The following THSD4 variants were observed in gnomAD, a reference collection of about 807,000 sequenced individuals.
The protein encoded by THSD4 is thrombospondin type 1 domain containing 4, also known as thrombospondin type-1 domain-containing protein 4.
THSD4 carries 69 observed loss-of-function variants against 119.0 expected under a neutral mutation model. The ratio of observed to expected loss-of-function variants is 0.58; its 90% CI spans 0.48 to 0.71. The LOEUF is 0.71. Ranked by LOEUF, THSD4 falls within the 30% of genes least tolerant of loss-of-function variation. The pLI, the probability that THSD4 is intolerant of heterozygous loss-of-function variation, is 0.00. For synonymous variants in THSD4, 524 were observed against 540.4 expected, an observed-to-expected ratio of 0.97 and a Z score of 0.42; for missense variants, 1,393 against 1,391.1, an observed-to-expected ratio of 1.00 and a Z score of -0.02.
chr15:71,166,508 T>C (rs934238130), intron 3 of THSD4, among the ~76,000 whole-genome samples: 4 of 152,238 alleles, frequency 2.6e-5, no homozygotes, highest in Non-Finnish European at 4.4e-5. Flanking sequence ...GCAATGACTG[T>C]TCCTGTCTAT....
chr15:71,287,118 G>A (rs16955390), intron 6 of THSD4, among the ~76,000 whole-genome samples: 8,289 of 152,126 alleles, frequency 0.054, 309 homozygotes, highest in South Asian at 0.098. Flanking sequence ...AGTCAAAGTC[G>A]TAGTCACAAA....
At chr15:71,669,221 C>T (rs866546431) in intron 8 of THSD4, among the ~76,000 whole-genome samples, 2 of 152,088 alleles carry the variant, frequency 1.3e-5, no homozygotes, top group Non-Finnish European at 2.9e-5. Flanking sequence ...ATTTTCCTGA[C>T]CACTAATTTT....
chr15:71,566,359 A>G (rs1484320696), intron 7 of THSD4, among the ~76,000 whole-genome samples: 1 of 152,132 alleles, frequency 6.6e-6, no homozygotes, highest in Non-Finnish European at 1.5e-5. Flanking sequence ...TATTTCCTTA[A>G]TTCAGGATCA....
intron 7 of THSD4, among the ~76,000 whole-genome samples, chr15:71,644,568 T>A (rs1399621242): frequency 2.6e-5 from 4 of 152,196 alleles, no homozygotes; most frequent in Non-Finnish European, 2.9e-5. Flanking sequence ...AGGTCAATAC[T>A]CTATGCCACC....
At chr15:71,717,633 A>C (rs2141105300) in intron 8 of THSD4, among the ~76,000 whole-genome samples, 1 of 151,868 alleles carries the variant, frequency 6.6e-6, no homozygotes, top group Admixed American at 6.6e-5. Flanking sequence ...GCAATTGATT[A>C]AACATCAAAG....
intron 3 of THSD4, among the ~76,000 whole-genome samples, chr15:71,172,388 T>G (rs1046455778): frequency 4.0e-5 from 6 of 151,882 alleles, no homozygotes; most frequent in African/African-American, 1.5e-4. Flanking sequence ...TTCAAGAAAC[T>G]CAATATTGTT....
chr15:71,460,260 A>G (rs1482451463), intron 7 of THSD4, among the ~76,000 whole-genome samples: 1 of 152,090 alleles, frequency 6.6e-6, no homozygotes, highest in African/African-American at 2.4e-5. Flanking sequence ...CATTCATAAA[A>G]ATATAGGTAG....
At chr15:71,680,719 G>A (rs1362612023) in intron 8 of THSD4, among the ~76,000 whole-genome samples, 3 of 152,178 alleles carry the variant, frequency 2.0e-5, no homozygotes, top group African/African-American at 7.2e-5. Flanking sequence ...CAGCCACGCA[G>A]CTTTCTGGCT....
At chr15:71,106,970 T>C (rs1159366656) in intron 1 of THSD4, among the ~76,000 whole-genome samples, 1 of 152,198 alleles carries the variant, frequency 6.6e-6, no homozygotes, top group Admixed American at 6.5e-5. Context: ...ATCTCGTCCC[T>C]GAAGGCGAAT....
At chr15:71,419,788 A>C (rs1167859698) in intron 7 of THSD4, among the ~76,000 whole-genome samples, 2 of 107,638 alleles carry the variant, frequency 1.9e-5, no homozygotes, top group Non-Finnish European at 4.1e-5. Context: ...TAGTTTCCAA[A>C]ATTCCTCTTG....
chr15:71,243,813 C>T (rs1459422918), intron 5 of THSD4, among the ~76,000 whole-genome samples: 1 of 115,876 alleles, frequency 8.6e-6, no homozygotes, highest in Admixed American at 1.2e-4. Context: ...GAGATGGAGT[C>T]TCGCTCTGTC....
chr15:71,327,490 A>T (rs1186687947), intron 6 of THSD4, among the ~76,000 whole-genome samples: 1 of 152,174 alleles, frequency 6.6e-6, no homozygotes, highest in African/African-American at 2.4e-5. Flanking sequence ...ATGTTTTAAT[A>T]TGTATAATAT....
chr15:71,638,460 T>C (rs1472403488), intron 7 of THSD4, among the ~76,000 whole-genome samples: 1 of 152,236 alleles, frequency 6.6e-6, no homozygotes, highest in Non-Finnish European at 1.5e-5. Context: ...TCTGAACCCT[T>C]GAACACTAAA....
intron 6 of THSD4, among the ~76,000 whole-genome samples, chr15:71,345,797 T>G (rs747923797): frequency 9.5e-5 from 14 of 147,258 alleles, no homozygotes; most frequent in Non-Finnish European, 1.9e-4. Context: ...TTGGGTGTTT[T>G]GTTTTTTTTT....
intron 7 of THSD4, among the ~76,000 whole-genome samples, chr15:71,582,038 G>A (rs1460690185): frequency 6.6e-6 from 1 of 152,012 alleles, no homozygotes; most frequent in Non-Finnish European, 1.5e-5. Flanking sequence ...TTCAGTTTCT[G>A]TGAAAAATGC....
chr15:71,255,839 G>T (rs921310131), intron 5 of THSD4, among the ~76,000 whole-genome samples: 16 of 152,178 alleles, frequency 1.1e-4, no homozygotes, highest in Admixed American at 7.2e-4. Context: ...TGTGGAACAT[G>T]TTTAAAGTAG....
chr15:71,180,221 C>T (rs553190600), intron 3 of THSD4, among the ~76,000 whole-genome samples: 20 of 147,406 alleles, frequency 1.4e-4, no homozygotes, highest in East Asian at 9.9e-4. Context: ...ACCCACAGAA[C>T]GGGAGAAAGT....
intron 6 of THSD4, among the ~76,000 whole-genome samples, chr15:71,295,460 G>GCAGT (rs761764677): frequency 5.6e-4 from 85 of 152,226 alleles, no homozygotes; most frequent in Non-Finnish European, 9.6e-4. Context: ...ATTGAGATTG[G>GCAGT]CAGTCCCCTT....
chr15:71,536,194 C>T (rs1338695955), intron 7 of THSD4, among the ~76,000 whole-genome samples: 1 of 152,170 alleles, frequency 6.6e-6, no homozygotes, highest in East Asian at 1.9e-4. Context: ...ACTAGACTGC[C>T]ATCAAGGTGT....
Sources: gnomAD v4.1 joint callset for allele counts (sites outside exome capture counted in the v4.1 genomes callset) on GRCh38, gnomAD v4.1.1 for gene constraint, MANE v1.5 for transcripts, NCBI Gene and HGNC (gene_info 2026-07-23, HGNC 2026-07-21) for gene names.